IQGAP3: variants seen among roughly 807,000 people sequenced by gnomAD.
The protein encoded by IQGAP3 is IQ motif containing GTPase activating protein 3.
A neutral mutation model predicts 208.2 loss-of-function variants in IQGAP3; 165 were observed. The ratio of observed to expected loss-of-function variants is 0.79; its 90% CI spans 0.70 to 0.90. The LOEUF is 0.90. Ranked by LOEUF, IQGAP3 falls within the 40% of genes least tolerant of loss-of-function variation. IQGAP3 has a pLI of 0.00. For synonymous variants in IQGAP3, 703 were observed against 803.6 expected (o/e 0.87, Z 2.12); for missense variants, 1,811 against 2,043.1 (o/e 0.89, Z 2.19).
intron 25 of IQGAP3, 88 bp downstream of exon 25, chr1:156,539,286 C>G: frequency 2.4e-6 from 3 of 1,265,820 alleles, no homozygotes; most frequent in South Asian, 2.7e-5. Flanking sequence ...TACCCTTAGG[C>G]CTCAACAAGT....
intron 34 of IQGAP3, among the ~76,000 whole-genome samples, chr1:156,529,791 C>T (rs868066308): frequency 1.1e-4 from 16 of 151,604 alleles, no homozygotes; most frequent in African/African-American, 2.7e-4. Context: ...CATGGCAGCG[C>T]GCACCTGTAA....
Position 156,550,308 on chromosome 1 carries a change from C to A in IQGAP3, c.1778G>T (p.Arg593Leu), listed in dbSNP as rs59573847. ...CTGGTTGGCTCTGACCACTCCCTGG[C>A]GGATCTCCTCAAGCCACAGCACAGC... is the stretch of plus-strand genomic sequence containing the variant. ...PGAVLWLEEI[R>L]QGVVRANQDT... Residue 593 changes from arginine to leucine, a missense_variant, in exon 16 of 38, where the codon CGC becomes CTC. Arg to Leu is a moderately radical substitution (Grantham distance 102). Transcript: ENST00000361170. 4.0e-3 allele frequency: 6,379 copies of A among 1,613,882 alleles called. 181 individuals are homozygous for A. In the African/African-American group the frequency reaches 0.072, roughly 18 times the overall value.
In IQGAP3 at chr1:156,539,556, A is replaced by G. The variant is rs1467211458; in HGVS notation, c.2893-19T>C. 1.9e-5 allele frequency: 30 copies of G among 1,613,584 alleles called. No individual in the cohort carries two copies. Among genetic ancestry groups the G allele is most frequent in the Non-Finnish European group, 2.4e-5 (28 of 1,179,610 alleles). On this transcript the variant is annotated intron_variant, in intron 24 of 37. Transcript: ENST00000361170. ...GCTGAGTCTGCAAGCAAGAGGGGAG[A>G]CAGGAATGGCTGACCATGCACTTCA...
intron 24 of IQGAP3, 62 bp downstream of exon 24, chr1:156,539,776 C>T (rs1369194676): frequency 5.7e-6 from 9 of 1,574,510 alleles, no homozygotes; most frequent in East Asian, 2.2e-5. Context: ...GACAAGAAGG[C>T]CTTGAAGTCT....
intron 19 of IQGAP3, among the ~76,000 whole-genome samples, chr1:156,547,378 CAG>C (rs1452641696): frequency 1.9e-5 from 2 of 102,806 alleles, no homozygotes; most frequent in Non-Finnish European, 1.9e-5. Context: ...CACACAGACA[CAG>C]ACACACAGAC....
chr1:156,548,795 C>G (rs1410521274), intron 16 of IQGAP3, 47 bp from the exon 17 acceptor site: 1 of 1,504,476 alleles, frequency 6.6e-7, no homozygotes, highest in Non-Finnish European at 8.9e-7. Context: ...CCCCGAGTCC[C>G]TCCCATGGGC....
chr1:156,571,696 A>T (rs1257455351), intron 1 of IQGAP3, among the ~76,000 whole-genome samples: 1 of 152,266 alleles, frequency 6.6e-6, no homozygotes, highest in Non-Finnish European at 1.5e-5. Context: ...ACCGAAAAAC[A>T]GTTTTCCTGT....
chr1:156,567,359 C>T (rs1451154180), intron 2 of IQGAP3, among the ~76,000 whole-genome samples: 1 of 152,216 alleles, frequency 6.6e-6, no homozygotes, highest in Non-Finnish European at 1.5e-5. Context: ...AGAACGACCA[C>T]AGCTCTTGGA....
At chr1:156,530,544 G>A (rs1301731483) in intron 33 of IQGAP3, among the ~76,000 whole-genome samples, 4 of 152,144 alleles carry the variant, frequency 2.6e-5, no homozygotes, top group South Asian at 2.1e-4. Flanking sequence ...ACACATGGGA[G>A]GGCCTCATAG....
chr1:156,554,837 G>A (rs565943933), intron 12 of IQGAP3, among the ~76,000 whole-genome samples: 44 of 152,240 alleles, frequency 2.9e-4, no homozygotes, highest in African/African-American at 1.1e-3. Context: ...TGGACAGATC[G>A]CTTGAGCTCA....
intron 22 of IQGAP3, among the ~76,000 whole-genome samples, chr1:156,542,900 C>T (rs1675052938): frequency 6.6e-6 from 1 of 151,982 alleles, no homozygotes; most frequent in Non-Finnish European, 1.5e-5. Flanking sequence ...GTGATCATGC[C>T]ACTGCACTCC....
At chr1:156,565,950 G>T in intron 4 of IQGAP3, 77 bp downstream of exon 4, 1 of 1,086,168 alleles carries the variant, frequency 9.2e-7, no homozygotes, top group Non-Finnish European at 1.4e-6. Flanking sequence ...AAAGGGTCCA[G>T]GGAGATAAAG....
Position 156,544,039 on chromosome 1 carries a change from A to G in IQGAP3, c.2472T>C (p.Ile824=), listed in dbSNP as rs370192178. 2.0e-5 allele frequency: 33 copies of G among 1,614,008 alleles called. No individual in the cohort carries two copies. In the East Asian group the frequency reaches 4.7e-4, roughly 23 times the overall value. The change falls in exon 22 of 38, where the codon ATT becomes ATC. Residue 824 remains isoleucine, a synonymous_variant. Transcript: ENST00000361170. ...LHYFQKNVNS[I]VKIQAFFRAR... is the part of the protein sequence containing the mutation. Reference sequence around the variant, plus strand: ...CTCGGAAAAATGCCTGGATCTTCACAATGGAGTTAACCTGCCACAAACACA... The same window carrying G: ...CTCGGAAAAATGCCTGGATCTTCACGATGGAGTTAACCTGCCACAAACACA...
At chr1:156,530,446 C>A in intron 33 of IQGAP3, 129 bp from the exon 34 acceptor site, 2 of 716,050 alleles carry the variant, frequency 2.8e-6, no homozygotes, top group Admixed American at 5.0e-5. Context: ...TAAGAAAGTG[C>A]CCCAGAGCCC....
Position 156,528,909 on chromosome 1 carries a change from C to G in IQGAP3, c.4571+7G>C. 1 of 1,614,144 alleles carries G rather than the reference C, an allele frequency of 6.2e-7. No individual in the cohort carries two copies. Among genetic ancestry groups the G allele is most frequent in the East Asian group, 2.2e-5 (1 of 44,884 alleles). ...TAACCTTCCAAGTACGGGAAAGCAG[C>G]ACCTACTTGGAGTCGGGGGCCAGGT... On this transcript the variant is annotated splice_region_variant and intron_variant, in intron 35 of 37. Transcript: ENST00000361170.
At chr1:156,528,813 G>A in intron 35 of IQGAP3, 103 bp downstream of exon 35, 1 of 1,379,862 alleles carries the variant, frequency 7.2e-7, no homozygotes. Flanking sequence ...GCTGTGCTGG[G>A]TGAGATTCCC....
At chr1:156,536,985 G>T in intron 27 of IQGAP3, 196 bp downstream of exon 27, 1 of 491,846 alleles carries the variant, frequency 2.0e-6, no homozygotes, top group Non-Finnish European at 3.5e-6. Flanking sequence ...AGACTTGCAC[G>T]CCGTCTCTCA....
rs1487105868 is a variant in IQGAP3 at position 156,530,244 on chromosome 1, T to G, written c.4265A>C (p.His1422Pro). The change falls in exon 34 of 38, where the codon CAC becomes CCC. Residue 1422 changes from histidine (H) to proline (P), a missense_variant. His to Pro is a moderately conservative substitution (Grantham distance 77). Coordinates refer to ENST00000361170, the MANE Select transcript of IQGAP3 (RefSeq NM_178229.5). ...GAGGGAGTGAGCTGTCAGTGAGCGGTGTCGTCGCAGTGGCTCCGGTGTCTG... is the reference window on the plus strand; with the variant it reads ...GAGGGAGTGAGCTGTCAGTGAGCGGGGTCGTCGCAGTGGCTCCGGTGTCTG... ...TAQTPEPLRR[H>P]RSLTAHSLLP... The G allele has an allele frequency of 1.2e-6, 2 of 1,612,846 alleles. No homozygotes were observed. The highest frequency in any genetic ancestry group is 1.7e-5 in the Admixed American group (1 of 59,956).
intron 37 of IQGAP3, 148 bp from the exon 38 acceptor site, chr1:156,526,747 A>G: frequency 1.6e-6 from 1 of 616,838 alleles, no homozygotes; most frequent in Admixed American, 2.7e-5. Flanking sequence ...CACTTCACAA[A>G]TGAGGAAACT....
Sources: gnomAD v4.1 joint callset for allele counts (sites outside exome capture counted in the v4.1 genomes callset) on GRCh38, gnomAD v4.1.1 for gene constraint, MANE v1.5 for transcripts, NCBI Gene and HGNC (gene_info 2026-07-23, HGNC 2026-07-21) for gene names.